BLTP1: variants seen among roughly 807,000 people sequenced by gnomAD.
The protein encoded by BLTP1 is bridge-like lipid transfer protein family member 1, also known as fragile site-associated protein.
chr4:122,190,721 A>G, the BLTP1 span, among the ~76,000 whole-genome samples: 3 of 152,162 alleles, frequency 2.0e-5, no homozygotes, highest in Non-Finnish European at 4.4e-5. Context: ...GAAGCTTAGT[A>G]TATTAGATTT....
the BLTP1 span, among the ~76,000 whole-genome samples, chr4:122,352,355 CTTTTTTTTTTT>C: frequency 1.8e-5 from 2 of 111,714 alleles, no homozygotes; most frequent in Non-Finnish European, 3.8e-5. Flanking sequence ...TTTGGTTTTT[CTTTTTTTTTTT>C]TTTTTTTTTT....
chr4:122,281,862 T>C, the BLTP1 span: 1 of 1,352,916 alleles, frequency 7.4e-7, no homozygotes, highest in Non-Finnish European at 9.7e-7. Flanking sequence ...AAATTTGGTT[T>C]TATAGATATT....
chr4:122,189,668 C>G, the BLTP1 span: 18 of 923,366 alleles, frequency 1.9e-5, no homozygotes, highest in Non-Finnish European at 2.3e-5. Flanking sequence ...TGTTTTAAAT[C>G]GATTTCTCTC....
the BLTP1 span, chr4:122,170,018 A>C: frequency 1.0e-6 from 1 of 984,418 alleles, no homozygotes; most frequent in Non-Finnish European, 1.2e-6. Context: ...TGATTAAAGA[A>C]TAATCACGCT....
chr4:122,219,188 T>C, the BLTP1 span: 1 of 1,428,598 alleles, frequency 7.0e-7, no homozygotes, highest in Non-Finnish European at 9.1e-7. Flanking sequence ...TTAACATATG[T>C]TTTCTTTTGT....
chr4:122,174,967 G>A, the BLTP1 span: 27 of 830,388 alleles, frequency 3.3e-5, no homozygotes, highest in Non-Finnish European at 3.9e-5. Flanking sequence ...TATACAGCAA[G>A]GTTTAGAGAT....
At chr4:122,302,753 G>C in the BLTP1 span, among the ~76,000 whole-genome samples, 1 of 152,180 alleles carries the variant, frequency 6.6e-6, no homozygotes, top group Admixed American at 6.5e-5. Flanking sequence ...TGATAAGAAA[G>C]CCAAACAGCC....
At chr4:122,246,661 T>G in the BLTP1 span, 1 of 1,598,126 alleles carries the variant, frequency 6.3e-7, no homozygotes, top group Non-Finnish European at 8.5e-7. Flanking sequence ...TTGTCAGTTC[T>G]GAAATTTTGT....
At chr4:122,207,602 T>G in the BLTP1 span, 1 of 1,611,502 alleles carries the variant, frequency 6.2e-7, no homozygotes, top group Non-Finnish European at 8.5e-7. Flanking sequence ...TTACGGACTT[T>G]GTTCCAGCTA....
At chr4:122,296,371 G>A in the BLTP1 span, among the ~76,000 whole-genome samples, 1 of 152,134 alleles carries the variant, frequency 6.6e-6, no homozygotes. Flanking sequence ...GGAAGTGATG[G>A]ACCTCTTCAA....
the BLTP1 span, chr4:122,276,700 C>G: frequency 8.9e-6 from 8 of 895,268 alleles, no homozygotes; most frequent in East Asian, 2.4e-4. Context: ...CAGAGCCTAC[C>G]TTCATGCTGA....
the BLTP1 span, chr4:122,180,003 A>G: frequency 1.0e-6 from 1 of 981,008 alleles, no homozygotes; most frequent in East Asian, 1.2e-4. Context: ...AAAGGCATCC[A>G]TCTCTCATAT....
chr4:122,160,194 T>G, the BLTP1 span, among the ~76,000 whole-genome samples: 1 of 152,220 alleles, frequency 6.6e-6, no homozygotes, highest in South Asian at 2.1e-4. Flanking sequence ...TTTGTAATAT[T>G]CATAGGTCCT....
the BLTP1 span, among the ~76,000 whole-genome samples, chr4:122,295,781 G>A: frequency 5.3e-5 from 8 of 151,848 alleles, no homozygotes; most frequent in African/African-American, 1.9e-4. Flanking sequence ...ATGCAAGGTT[G>A]GTTCAAATCA....
At chr4:122,229,628 A>G in the BLTP1 span, 2 of 726,516 alleles carry the variant, frequency 2.8e-6, no homozygotes, top group South Asian at 1.3e-4. Context: ...TTGTAGTGCA[A>G]AATCAAGCCT....
the BLTP1 span, chr4:122,185,921 T>C: frequency 1.2e-6 from 1 of 828,566 alleles, no homozygotes; most frequent in South Asian, 3.1e-5. Context: ...CTCTGTATCA[T>C]GGAATTCTAT....
At chr4:122,312,949 A>C in the BLTP1 span, 1 of 813,856 alleles carries the variant, frequency 1.2e-6, no homozygotes, top group Non-Finnish European at 1.5e-6. Flanking sequence ...CTATGTTTAG[A>C]GTTTACTTTG....
At chr4:122,273,029 TCTTA>T in the BLTP1 span, among the ~76,000 whole-genome samples, 1 of 152,054 alleles carries the variant, frequency 6.6e-6, no homozygotes. Context: ...AGCAAATGTT[TCTTA>T]GACTCAGTGG....
the BLTP1 span, chr4:122,240,046 C>G: frequency 6.2e-7 from 1 of 1,614,162 alleles, no homozygotes; most frequent in Non-Finnish European, 8.5e-7. Flanking sequence ...AGAACTCTGC[C>G]ATTCAAAACT....
Sources: allele counts gnomAD v4.1 joint callset (sites outside exome capture counted in the v4.1 genomes callset), GRCh38; gene constraint gnomAD v4.1.1; transcripts MANE v1.5; gene names NCBI Gene and HGNC (gene_info 2026-07-23, HGNC 2026-07-21).